TTC28: variants seen among roughly 807,000 people sequenced by gnomAD.
The protein encoded by TTC28 is tetratricopeptide repeat protein 28.
A neutral mutation model predicts 198.0 loss-of-function variants in TTC28; 61 were observed. The observed-to-expected ratio is 0.31, with a 90% CI of 0.25 to 0.38. The LOEUF is 0.38. Among genes scored for constraint, TTC28 ranks in the 10% least tolerant of loss-of-function variants. The pLI, the probability that TTC28 is intolerant of heterozygous loss-of-function variation, is 1.00. For missense variants in TTC28, 2,678 were observed against 3,164.0 expected, an observed-to-expected ratio of 0.85 and a Z score of 3.69; for synonymous variants, 1,171 against 1,297.8, an observed-to-expected ratio of 0.90 and a Z score of 2.10.
At chr22:28,461,062 G>C (rs770533649) in intron 2 of TTC28, among the ~76,000 whole-genome samples, 2 of 152,112 alleles carry the variant, frequency 1.3e-5, no homozygotes, top group Non-Finnish European at 2.9e-5. Context: ...GTTTATCTAC[G>C]GTCTGCCTCT....
rs376261013 is a variant in TTC28 at position 28,517,376 on chromosome 22, T to C, written c.381+112176A>G. Among the ~76,000 whole-genome samples the C allele has an allele frequency of 4.1e-4, 62 of 152,130 alleles. 1 individual carries two copies. In the East Asian group the frequency reaches 0.01, roughly 26 times the overall value. ...CTAAAAAAATCAAGTTGCTGAAGAGTATCTTCCAGTCAGCTTTTGCCCAAC... is the reference window on the plus strand; with the variant it reads ...CTAAAAAAATCAAGTTGCTGAAGAGCATCTTCCAGTCAGCTTTTGCCCAAC... On this transcript the variant is annotated intron_variant, in intron 2 of 22. Transcript: ENST00000397906.
At chr22:28,552,916 GC>G (rs2049707333) in intron 2 of TTC28, among the ~76,000 whole-genome samples, 1 of 152,104 alleles carries the variant, frequency 6.6e-6, no homozygotes, top group African/African-American at 2.4e-5. Flanking sequence ...CCTGTCGAGT[GC>G]CTGTGATTGC....
intron 2 of TTC28, among the ~76,000 whole-genome samples, chr22:28,444,585 A>G (rs894418044): frequency 6.6e-6 from 1 of 152,186 alleles, no homozygotes; most frequent in Admixed American, 6.5e-5. Flanking sequence ...TACATTCATT[A>G]TCTCACAGCC....
At chr22:28,378,679 A>T (rs2046450577) in intron 2 of TTC28, among the ~76,000 whole-genome samples, 1 of 152,048 alleles carries the variant, frequency 6.6e-6, no homozygotes, top group African/African-American at 2.4e-5. Context: ...GCAGAGAGAG[A>T]GAGAATAGGA....
At chr22:28,220,699 G>C (rs1259747711) in intron 5 of TTC28, among the ~76,000 whole-genome samples, 2 of 152,166 alleles carry the variant, frequency 1.3e-5, no homozygotes, top group African/African-American at 4.8e-5. Flanking sequence ...TGTACATTCT[G>C]TCACTTTTGC....
rs1052444182 is a variant in TTC28 at position 28,094,148 on chromosome 22, G to A, written c.3864C>T (p.Thr1288=). The change falls in exon 12 of 23, where the codon ACC becomes ACT. Residue 1288 remains threonine (T), a synonymous_variant. Transcript: ENST00000397906. Reference sequence around the variant, plus strand: ...CAATGTGCTGCTCCAGGGCTGAGCCGGTTGCTGTTGGAAGGGTTACACTGC... The same window carrying A: ...CAATGTGCTGCTCCAGGGCTGAGCCAGTTGCTGTTGGAAGGGTTACACTGC... ...ASSSVTLPTA[T]GSALEQHIAS... is the part of the protein sequence containing the mutation. 11 of 1,551,482 alleles carry A rather than the reference G, an allele frequency of 7.1e-6. No individual in the cohort carries two copies. The highest frequency in any genetic ancestry group is 2.0e-5 in the Admixed American group (1 of 50,974).
intron 6 of TTC28, among the ~76,000 whole-genome samples, chr22:28,146,496 CTG>C (rs1943473052): frequency 1.3e-5 from 2 of 152,340 alleles, no homozygotes; most frequent in South Asian, 4.1e-4. Flanking sequence ...GTGCCACAAA[CTG>C]GAGAATGCCA....
At chr22:28,063,334 C>G (rs975412320) in intron 12 of TTC28, among the ~76,000 whole-genome samples, 10 of 152,160 alleles carry the variant, frequency 6.6e-5, no homozygotes, top group Admixed American at 2.6e-4. Context: ...AACAGAATGG[C>G]TGTAGTTTAC....
chr22:28,232,221 T>C (rs5762532), intron 5 of TTC28, among the ~76,000 whole-genome samples: 50,857 of 152,126 alleles, frequency 0.33, 9,878 homozygotes, highest in South Asian at 0.53. Flanking sequence ...AGCCAATCAA[T>C]TGAATGATCA....
chr22:28,228,226 A>T (rs2147220874), intron 5 of TTC28, among the ~76,000 whole-genome samples: 1 of 152,130 alleles, frequency 6.6e-6, no homozygotes, highest in Non-Finnish European at 1.5e-5. Context: ...GAGAATGAGG[A>T]GTTGACTGTT....
At chr22:28,628,404 G>A (rs1299531860) in intron 2 of TTC28, among the ~76,000 whole-genome samples, 2 of 151,908 alleles carry the variant, frequency 1.3e-5, no homozygotes, top group Non-Finnish European at 2.9e-5. Context: ...TATTGTAGTC[G>A]AATTAATATA....
intron 3 of TTC28, among the ~76,000 whole-genome samples, chr22:28,304,284 C>CAA (rs751847882): frequency 7.1e-5 from 8 of 113,422 alleles, no homozygotes; most frequent in African/African-American, 1.6e-4. Flanking sequence ...GACTCCATCT[C>CAA]AAAAAAAAAA....
intron 2 of TTC28, among the ~76,000 whole-genome samples, chr22:28,420,428 T>G (rs746569271): frequency 2.6e-5 from 4 of 152,178 alleles, no homozygotes; most frequent in Admixed American, 6.5e-5. Context: ...TCTCTGTGGC[T>G]ACAATAATTC....
At chr22:28,493,423 A>G (rs932928021) in intron 2 of TTC28, among the ~76,000 whole-genome samples, 2 of 152,184 alleles carry the variant, frequency 1.3e-5, no homozygotes, top group African/African-American at 4.8e-5. Flanking sequence ...AAAGAAACCA[A>G]TTCATTACTG....
At chr22:28,647,524 G>C (rs1331377744) in intron 1 of TTC28, among the ~76,000 whole-genome samples, 3 of 152,044 alleles carry the variant, frequency 2.0e-5, no homozygotes, top group Non-Finnish European at 2.9e-5. Flanking sequence ...AAATCATCAA[G>C]AAAAACACAA....
chr22:28,463,042 C>A (rs1016689287), intron 2 of TTC28, among the ~76,000 whole-genome samples: 5 of 152,202 alleles, frequency 3.3e-5, no homozygotes, highest in Admixed American at 3.3e-4. Flanking sequence ...AACTTAGGCA[C>A]CACAGATGGC....
chr22:28,382,744 G>A (rs2046514711), intron 2 of TTC28, among the ~76,000 whole-genome samples: 1 of 152,106 alleles, frequency 6.6e-6, no homozygotes, highest in Non-Finnish European at 1.5e-5. Context: ...AAAGTAGACT[G>A]CAAAACAAAA....
At chr22:28,652,288 T>C (rs181648300) in intron 1 of TTC28, among the ~76,000 whole-genome samples, 5 of 152,356 alleles carry the variant, frequency 3.3e-5, no homozygotes, top group Non-Finnish European at 5.9e-5. Flanking sequence ...AACTGAACCA[T>C]GGGCTCTGTT....
chr22:28,262,228 A>G (rs1931371195), intron 5 of TTC28, among the ~76,000 whole-genome samples: 2 of 152,138 alleles, frequency 1.3e-5, no homozygotes. Context: ...GTTCAAGCAG[A>G]GACACCTTGG....
Sources: allele counts gnomAD v4.1 joint callset (sites outside exome capture counted in the v4.1 genomes callset), GRCh38; gene constraint gnomAD v4.1.1; transcripts MANE v1.5; gene names NCBI Gene and HGNC (gene_info 2026-07-23, HGNC 2026-07-21).